Variants in CNTNAP2 observed in about 807,000 individuals in gnomAD.
CNTNAP2 encodes the protein contactin-associated protein-like 2.
Under a neutral mutation model 155.2 loss-of-function variants are expected in CNTNAP2, and 98 were observed. That is an observed-to-expected ratio of 0.63 (90% confidence interval 0.54 to 0.75). CNTNAP2 has a LOEUF of 0.75. Ranked by LOEUF, CNTNAP2 falls within the 30% of genes least tolerant of loss-of-function variation. The pLI, the probability that CNTNAP2 is intolerant of heterozygous loss-of-function variation, is 0.00. For missense variants in CNTNAP2, 1,727 were observed against 1,688.1 expected, an observed-to-expected ratio of 1.02 and a Z score of -0.40; for synonymous variants, 651 against 631.2, an observed-to-expected ratio of 1.03 and a Z score of -0.47.
At chr7:148,278,663 TAGGCAC>T (rs2116456976) in intron 21 of CNTNAP2, among the ~76,000 whole-genome samples, 1 of 151,954 alleles carries the variant, frequency 6.6e-6, no homozygotes, top group South Asian at 2.1e-4. Flanking sequence ...TACCAGGTGC[TAGGCAC>T]AGAACAATGG....
chr7:146,558,840 G>A (rs1031167085), intron 1 of CNTNAP2, among the ~76,000 whole-genome samples: 2 of 152,110 alleles, frequency 1.3e-5, no homozygotes, highest in Admixed American at 6.5e-5. Flanking sequence ...CACCTAAGTG[G>A]TACCATGTAG....
chr7:146,711,286 CAT>C (rs1017375962), intron 1 of CNTNAP2, among the ~76,000 whole-genome samples: 5 of 144,478 alleles, frequency 3.5e-5, no homozygotes, highest in African/African-American at 7.6e-5. Context: ...TAATAGAAAA[CAT>C]AAACATACAT....
intron 8 of CNTNAP2, among the ~76,000 whole-genome samples, chr7:147,268,697 A>G (rs953285130): frequency 1.2e-4 from 18 of 152,190 alleles, no homozygotes; most frequent in African/African-American, 4.3e-4. Context: ...AGCATTAGGG[A>G]TGTCAGAAGG....
chr7:148,200,563 A>G (rs1288409168), intron 18 of CNTNAP2, among the ~76,000 whole-genome samples: 4 of 151,960 alleles, frequency 2.6e-5, no homozygotes, highest in Non-Finnish European at 4.4e-5. Flanking sequence ...CCTGGCTTTC[A>G]CATTATATTT....
At chr7:148,019,930 G>T (rs549085427) in intron 15 of CNTNAP2, among the ~76,000 whole-genome samples, 3 of 152,130 alleles carry the variant, frequency 2.0e-5, no homozygotes, top group Non-Finnish European at 2.9e-5. Flanking sequence ...GATTACAGGT[G>T]CCTGCCACCA....
At chr7:147,039,153 CAT>C (rs568803079) in intron 3 of CNTNAP2, among the ~76,000 whole-genome samples, 21 of 151,934 alleles carry the variant, frequency 1.4e-4, no homozygotes, top group Non-Finnish European at 2.9e-4. Context: ...TTACATATAA[CAT>C]AGTGTCAGTA....
intron 1 of CNTNAP2, among the ~76,000 whole-genome samples, chr7:146,687,787 T>A (rs1800627918): frequency 6.6e-6 from 1 of 152,216 alleles, no homozygotes; most frequent in Admixed American, 6.5e-5. Flanking sequence ...GACAGAGATA[T>A]AAATGAGCAA....
intron 1 of CNTNAP2, among the ~76,000 whole-genome samples, chr7:146,772,891 A>C (rs116914556): frequency 2.0e-3 from 304 of 152,220 alleles, no homozygotes; most frequent in Middle Eastern, 0.014. Context: ...TTACAGTTTG[A>C]AAAGTGTTTC....
intron 15 of CNTNAP2, among the ~76,000 whole-genome samples, chr7:148,029,088 A>G (rs147199817): frequency 0.015 from 1,751 of 116,348 alleles, 30 homozygotes; most frequent in African/African-American, 0.057. Flanking sequence ...GAATCTGGAT[A>G]TCCTTTTGGG....
chr7:146,302,579 CA>C (rs1214695215), intron 1 of CNTNAP2, among the ~76,000 whole-genome samples: 4 of 152,038 alleles, frequency 2.6e-5, no homozygotes, highest in African/African-American at 9.7e-5. Flanking sequence ...GTAATTTGCA[CA>C]ATATTGCGTA....
intron 1 of CNTNAP2, among the ~76,000 whole-genome samples, chr7:146,679,057 T>A (rs185980371): frequency 6.6e-6 from 1 of 152,352 alleles, no homozygotes; most frequent in African/African-American, 2.4e-5. Flanking sequence ...CTTTGTTACA[T>A]AGGTAAACTT....
At chr7:146,880,521 A>T (rs904405363) in intron 3 of CNTNAP2, among the ~76,000 whole-genome samples, 1 of 152,142 alleles carries the variant, frequency 6.6e-6, no homozygotes, top group Non-Finnish European at 1.5e-5. Flanking sequence ...AAGTAAATAA[A>T]GATCTTACCT....
In CNTNAP2 at chr7:147,249,604, T is replaced by TAAAAAAAAAAAAAAAAAAAAA. The variant is rs755601249; in HGVS notation, c.1349-50536_1349-50516dup. Reference sequence around the variant, plus strand: ...CTATAATAAAGGAAGACATTGGAGGTAAAAAAAAAAAAAAAAAAAAAGGTT... The same window carrying TAAAAAAAAAAAAAAAAAAAAA: ...CTATAATAAAGGAAGACATTGGAGGTAAAAAAAAAAAAAAAAAAAAAAAAAAAAAAAAAAAAAAAAAAGGTT... On this transcript the variant is annotated intron_variant, in intron 8 of 23. Coordinates refer to ENST00000361727, the MANE Select transcript of CNTNAP2 (RefSeq NM_014141.6). 2.2e-3 allele frequency among the ~76,000 whole-genome samples: 151 copies of TAAAAAAAAAAAAAAAAAAAAA among 69,990 alleles called. 13 individuals carry two copies. Among genetic ancestry groups the TAAAAAAAAAAAAAAAAAAAAA allele is most frequent in the African/African-American group, 8.2e-3 (138 of 16,742 alleles). The allele number at this position is 69,990 out of a possible 152,430, so 45.9% of individuals were successfully genotyped here.
intron 3 of CNTNAP2, among the ~76,000 whole-genome samples, chr7:146,957,530 G>C (rs1797461787): frequency 6.6e-6 from 1 of 152,124 alleles, no homozygotes; most frequent in Admixed American, 6.5e-5. Context: ...CAAAAGCATA[G>C]AGTAATTGTG....
intron 21 of CNTNAP2, among the ~76,000 whole-genome samples, chr7:148,370,154 A>C (rs530903788): frequency 6.6e-6 from 1 of 152,186 alleles, no homozygotes; most frequent in African/African-American, 2.4e-5. Context: ...CGGAGGATAC[A>C]CTGCACCCTC....
chr7:146,912,361 A>G (rs1159293659), intron 3 of CNTNAP2, among the ~76,000 whole-genome samples: 1 of 151,742 alleles, frequency 6.6e-6, no homozygotes, highest in African/African-American at 2.4e-5. Context: ...CATGCATACT[A>G]ATAAAGTCAT....
At chr7:148,232,830 G>A (rs933930810) in intron 20 of CNTNAP2, among the ~76,000 whole-genome samples, 11 of 152,160 alleles carry the variant, frequency 7.2e-5, no homozygotes, top group African/African-American at 2.7e-4. Context: ...GCTGGGTTTG[G>A]CTAAAGCTAA....
At chr7:147,899,538 G>A (rs1396694125) in intron 13 of CNTNAP2, among the ~76,000 whole-genome samples, 2 of 152,120 alleles carry the variant, frequency 1.3e-5, no homozygotes, top group African/African-American at 4.8e-5. Flanking sequence ...TGTCAAGAGA[G>A]TGGATTTAAC....
intron 1 of CNTNAP2, among the ~76,000 whole-genome samples, chr7:146,392,839 C>T (rs947848971): frequency 6.6e-6 from 1 of 152,068 alleles, no homozygotes; most frequent in South Asian, 2.1e-4. Flanking sequence ...TAGAAAATGA[C>T]CTCAGGCTAG....
Sources: gnomAD v4.1 joint callset for allele counts (sites outside exome capture counted in the v4.1 genomes callset) on GRCh38, gnomAD v4.1.1 for gene constraint, MANE v1.5 for transcripts, NCBI Gene and HGNC (gene_info 2026-07-23, HGNC 2026-07-21) for gene names.